Variants in CCDC40 observed in about 807,000 individuals in gnomAD.
The protein encoded by CCDC40 is coiled-coil domain 40 molecular ruler complex subunit, also known as coiled-coil domain-containing protein 40.
A neutral mutation model predicts 124.5 loss-of-function variants in CCDC40; 104 were observed. The observed-to-expected ratio is 0.84, with a 90% CI of 0.71 to 0.98. The LOEUF is 0.98. Ranked by LOEUF, CCDC40 falls within the 50% of genes least tolerant of loss-of-function variation. The pLI, the probability that CCDC40 is intolerant of heterozygous loss-of-function variation, is 0.00. For missense variants in CCDC40, 1,463 were observed against 1,503.9 expected, an observed-to-expected ratio of 0.97 and a Z score of 0.45; for synonymous variants, 580 against 602.9, an observed-to-expected ratio of 0.96 and a Z score of 0.56.
At chr17:80,088,192 G>T in intron 16 of CCDC40, 90 bp downstream of exon 16, 1 of 841,700 alleles carries the variant, frequency 1.2e-6, no homozygotes, top group Non-Finnish European at 2.1e-6. Flanking sequence ...GAGGCCAGGT[G>T]TGGCAGCTCA....
chr17:80,061,109 G>A (rs1038799586), intron 9 of CCDC40, among the ~76,000 whole-genome samples: 1 of 152,212 alleles, frequency 6.6e-6, no homozygotes, highest in Non-Finnish European at 1.5e-5. Flanking sequence ...ACTTTGGGAG[G>A]CCGAGGCCGC....
At chr17:80,080,459 G>A (rs1012446411) in intron 10 of CCDC40, among the ~76,000 whole-genome samples, 1 of 152,182 alleles carries the variant, frequency 6.6e-6, no homozygotes, top group African/African-American at 2.4e-5. Context: ...AGAGCTTGAC[G>A]TTAATTACAG....
Position 80,086,103 on chromosome 17 carries a change from G to T in CCDC40, c.2336G>T (p.Arg779Leu), listed in dbSNP as rs183809462. ...GTCCAGGCCCAGGTGACCTGGCTGC[G>T]CCTGCAGCAGGAGATGGTCAAGGTG... ...KAVQAQVTWL[R>L]LQQEMVKVTQ... Residue 779 changes from arginine to leucine, a missense_variant, in exon 14 of 20, where the codon CGC becomes CTC. Arg to Leu is a moderately radical substitution (Grantham distance 102). Coordinates refer to ENST00000397545, the MANE Select transcript of CCDC40 (RefSeq NM_017950.4). This position sits in a 1 kb window ranked among gnomAD's most constrained non-coding sequence, Gnocchi z 5.5. 6.2e-7 allele frequency: 1 copy of T among 1,614,142 alleles called. No individual in the cohort carries two copies. Among genetic ancestry groups the T allele is most frequent in the African/African-American group, 1.3e-5 (1 of 75,040 alleles).
intron 3 of CCDC40, among the ~76,000 whole-genome samples, chr17:80,041,195 C>G (rs565070293): frequency 6.6e-6 from 1 of 152,306 alleles, no homozygotes; most frequent in South Asian, 2.1e-4. Flanking sequence ...CCACAAACAG[C>G]TGGGACACAA....
At position 80,048,765 on chromosome 17, in the gene CCDC40, A is replaced by G. The variant is rs138001923; in HGVS notation, c.855+4A>G. On this transcript the variant is annotated splice_donor_region_variant and intron_variant, in intron 5 of 19. Transcript: ENST00000397545. ...GGTGGTTTTGGACCCAGACCACGTA[A>G]GGAAGCCTTCCCAGGTTTTGCTTTT... 367 of 1,604,970 alleles carry G rather than the reference A, an allele frequency of 2.3e-4. 4 individuals are homozygous for G. In the East Asian group the frequency reaches 8.2e-3, roughly 36 times the overall value.
chr17:80,099,147 C>T (rs188377943), intron 19 of CCDC40, among the ~76,000 whole-genome samples: 18 of 151,792 alleles, frequency 1.2e-4, no homozygotes, highest in African/African-American at 2.2e-4. Flanking sequence ...AAAAATTAGC[C>T]GGGCCTGGTG....
chr17:80,077,822 G>A (rs2038345040), intron 10 of CCDC40, among the ~76,000 whole-genome samples: 1 of 152,196 alleles, frequency 6.6e-6, no homozygotes, highest in Non-Finnish European at 1.5e-5. Flanking sequence ...CCGCTGAGTG[G>A]CTTATCATTG....
At chr17:80,078,653 A>G (rs185815445) in intron 10 of CCDC40, among the ~76,000 whole-genome samples, 52 of 152,302 alleles carry the variant, frequency 3.4e-4, no homozygotes, top group African/African-American at 1.2e-3. Flanking sequence ...TTCTTTCACC[A>G]ATACCACATT....
chr17:80,058,479 C>G lies in CCDC40; in HGVS notation c.1160-15C>G, dbSNP rs369710741. The G allele has an allele frequency of 6.2e-7, 1 of 1,612,858 alleles. No individual in the cohort carries two copies. Reference sequence around the variant, plus strand: ...ACTCACTCTCTCTCTCTTTCTCCCCCGCCGCGCCCCGCAGTGGCGGCTCTG... The same window carrying G: ...ACTCACTCTCTCTCTCTTTCTCCCCGGCCGCGCCCCGCAGTGGCGGCTCTG... On this transcript the variant is annotated splice_polypyrimidine_tract_variant and intron_variant, in intron 7 of 19. Transcript: ENST00000397545. This position sits in a 1 kb window ranked among gnomAD's most constrained non-coding sequence, Gnocchi z 4.2.
At chr17:80,057,587 C>A (rs746542700) in intron 7 of CCDC40, among the ~76,000 whole-genome samples, 4 of 151,962 alleles carry the variant, frequency 2.6e-5, no homozygotes, top group Admixed American at 6.6e-5. Flanking sequence ...TTTAGAAATC[C>A]ATCTCATGGC....
At chr17:80,046,573 C>T (rs891395702) in intron 3 of CCDC40, among the ~76,000 whole-genome samples, 7 of 138,070 alleles carry the variant, frequency 5.1e-5, no homozygotes, top group Middle Eastern at 3.7e-3. Context: ...GTGGTTTCTG[C>T]GTGTCTGCAT....
chr17:80,083,586 A>G (rs1367237812), intron 12 of CCDC40, among the ~76,000 whole-genome samples: 4 of 152,214 alleles, frequency 2.6e-5, no homozygotes, highest in African/African-American at 7.2e-5. Flanking sequence ...CCTGGGGAAG[A>G]GGACCCTGTC....
At chr17:80,075,587 T>C (rs1598524806) in intron 10 of CCDC40, among the ~76,000 whole-genome samples, 1 of 152,296 alleles carries the variant, frequency 6.6e-6, no homozygotes, top group African/African-American at 2.4e-5. Flanking sequence ...TAGTGGAACA[T>C]GCAAAGCTCA....
rs199575834 is a variant in CCDC40, at chr17:80,095,397, C to T, written c.2967C>T (p.Thr989=). ...RKMDRKALTR[T]DFHHKQLELR... ...TGGACAGGAAGGCGCTCACCCGCAC[C>T]GACTTCCACCACAAGCAGCTTGAGC... is the stretch of plus-strand genomic sequence containing the variant. Residue 989 remains threonine (T), a synonymous_variant, in exon 18 of 20, where the codon ACC becomes ACT. Coordinates refer to ENST00000397545, the MANE Select transcript of CCDC40 (RefSeq NM_017950.4). 152 of 1,614,154 alleles carry T rather than the reference C, an allele frequency of 9.4e-5. 1 individual carries two copies. In the East Asian group the frequency reaches 2.4e-3, roughly 25 times the overall value.
Position 80,089,773 on chromosome 17 carries a change from T to A in CCDC40, c.2721T>A (p.Ile907=). Residue 907 remains isoleucine (I), a synonymous_variant, in exon 17 of 20, where the codon ATT becomes ATA. Coordinates refer to ENST00000397545, the MANE Select transcript of CCDC40 (RefSeq NM_017950.4). The part of the protein sequence containing the change: ...LNQLVEAEHQ[I]MLWEKKIQLA... ...TCTCCTACCTCTAAAGACACCAGAT[T>A]ATGCTTTGGGAGAAAAAAATCCAAC... 2 of 1,614,186 alleles carry A rather than the reference T, an allele frequency of 1.2e-6. No homozygotes were observed. The highest frequency in any genetic ancestry group is 1.7e-6 in the Non-Finnish European group (2 of 1,180,022).
chr17:80,067,416 G>T (rs934955452), intron 10 of CCDC40: 9 of 640,484 alleles, frequency 1.4e-5, no homozygotes, highest in Non-Finnish European at 2.2e-5. Context: ...AAGCATATGC[G>T]TTCACCCGGA....
chr17:80,096,337 G>C (rs1049385972), intron 18 of CCDC40, among the ~76,000 whole-genome samples: 1 of 152,236 alleles, frequency 6.6e-6, no homozygotes, highest in African/African-American at 2.4e-5. Context: ...TCCCTGGAGA[G>C]TGCTGAAGTC....
intron 17 of CCDC40, 45 bp downstream of exon 17, chr17:80,089,929 C>G: frequency 6.2e-7 from 1 of 1,609,338 alleles, no homozygotes; most frequent in Admixed American, 1.7e-5. Flanking sequence ...GGGTGCCAGC[C>G]CTTGGGCTCT....
chr17:80,092,507 TGTCAC>T (rs1267456663), intron 17 of CCDC40, among the ~76,000 whole-genome samples: 4 of 152,254 alleles, frequency 2.6e-5, no homozygotes, highest in African/African-American at 9.6e-5. Context: ...TTTTCCAGAA[TGTCAC>T]ATAAATGGAT....
Sources: allele counts gnomAD v4.1 joint callset (sites outside exome capture counted in the v4.1 genomes callset), GRCh38; gene constraint gnomAD v4.1.1; non-coding constraint Gnocchi (gnomAD v3.1); transcripts MANE v1.5; gene names NCBI Gene and HGNC (gene_info 2026-07-23, HGNC 2026-07-21).